Variants in SMAP1 observed in about 807,000 individuals in gnomAD.
SMAP1 encodes small ArfGAP 1.
SMAP1 carries 24 observed loss-of-function variants against 58.5 expected under a neutral mutation model. The observed-to-expected ratio is 0.41, with a 90% CI of 0.30 to 0.58. SMAP1 has a LOEUF of 0.58. Among genes scored for constraint, SMAP1 ranks in the 20% least tolerant of loss-of-function variants. The pLI is 0.29. For missense variants in SMAP1, 563 were observed against 566.3 expected, an observed-to-expected ratio of 0.99 and a Z score of 0.06; for synonymous variants, 216 against 196.6, an observed-to-expected ratio of 1.10 and a Z score of -0.82.
intron 6 of SMAP1, among the ~76,000 whole-genome samples, chr6:70,815,102 C>T (rs1245520992): frequency 2.6e-5 from 4 of 152,074 alleles, no homozygotes; most frequent in Admixed American, 6.6e-5. Flanking sequence ...CTTGGCATTG[C>T]TCACACTAAT....
At chr6:70,846,051 G>A (rs1770976295) in intron 7 of SMAP1, among the ~76,000 whole-genome samples, 1 of 152,196 alleles carries the variant, frequency 6.6e-6, no homozygotes, top group African/African-American at 2.4e-5. Context: ...TCTTCAAGGA[G>A]AATGTGGCTG....
At chr6:70,812,832 T>C (rs1027367121) in intron 6 of SMAP1, among the ~76,000 whole-genome samples, 3 of 152,138 alleles carry the variant, frequency 2.0e-5, no homozygotes, top group Admixed American at 2.0e-4. Context: ...GGCATTCTTA[T>C]TCTTGTCTCA....
chr6:70,778,910 A>T (rs1767652155), intron 4 of SMAP1, among the ~76,000 whole-genome samples: 2 of 152,182 alleles, frequency 1.3e-5, no homozygotes, highest in African/African-American at 4.8e-5. Context: ...GGGACAAGCC[A>T]TTCCTCAGTC....
chr6:70,773,270 C>A, intron 3 of SMAP1, 80 bp from the exon 4 acceptor site: 1 of 815,186 alleles, frequency 1.2e-6, no homozygotes, highest in East Asian at 2.9e-5. Context: ...TTTAGAGTCC[C>A]AGCTTTGTGG....
intron 3 of SMAP1, among the ~76,000 whole-genome samples, chr6:70,758,264 G>A (rs1349101721): frequency 6.6e-5 from 10 of 150,912 alleles, no homozygotes; most frequent in Non-Finnish European, 1.3e-4. Context: ...GTAATCTATC[G>A]CAAGAACAAA....
At chr6:70,850,773 C>A (rs1268374204) in intron 7 of SMAP1, among the ~76,000 whole-genome samples, 2 of 151,880 alleles carry the variant, frequency 1.3e-5, no homozygotes, top group East Asian at 1.9e-4. Context: ...GTTTTTAAAC[C>A]TAGAATGCCT....
At chr6:70,777,828 C>A (rs1278675413) in intron 4 of SMAP1, among the ~76,000 whole-genome samples, 1 of 151,984 alleles carries the variant, frequency 6.6e-6, no homozygotes, top group East Asian at 1.9e-4. Context: ...TCTCAGCTCC[C>A]TGCAACCTCC....
chr6:70,768,092 G>T (rs1301811809), intron 3 of SMAP1, among the ~76,000 whole-genome samples: 1 of 152,160 alleles, frequency 6.6e-6, no homozygotes, highest in Non-Finnish European at 1.5e-5. Context: ...TACATCCCAG[G>T]GATGAAGCCC....
Position 70,824,673 on chromosome 6 carries a change from A to G in SMAP1, c.577-12268A>G, listed in dbSNP as rs572938621. On this transcript the variant is annotated intron_variant, in intron 6 of 10. Coordinates refer to ENST00000370455, the MANE Select transcript of SMAP1 (RefSeq NM_001044305.3). ...TCATATTCTTAGCTTCCACATGCAT[A>G]TGTCACTTGTTCTTAGCAGAGCAGT... Among the ~76,000 whole-genome samples the G allele has an allele frequency of 8.5e-5, 13 of 152,294 alleles. No individual in the cohort carries two copies. The South Asian group carries it at 2.5e-3, about 29-fold the overall frequency.
chr6:70,674,643 G>T (rs1324393177), intron 1 of SMAP1, among the ~76,000 whole-genome samples: 2 of 152,182 alleles, frequency 1.3e-5, no homozygotes, highest in African/African-American at 2.4e-5. Flanking sequence ...GCACTAAAAA[G>T]ATTAAGTACT....
Position 70,725,097 on chromosome 6 carries a change from T to G in SMAP1, c.119-7281T>G, listed in dbSNP as rs1405504038. ...CCATATCCTAAATTAACCAGTGTTT[T>G]TTTTTTTTTTTTTTTTTTTTTTTTT... On this transcript the variant is annotated intron_variant, in intron 1 of 10. Coordinates refer to ENST00000370455, the MANE Select transcript of SMAP1 (RefSeq NM_001044305.3). Among the ~76,000 whole-genome samples, 48 of 6,802 alleles carry G rather than the reference T, an allele frequency of 7.1e-3. 1 individual carries two copies. The East Asian group carries it at 0.19, about 27-fold the overall frequency. The allele number at this position is 6,802 out of a possible 152,430, so 4.5% of individuals were successfully genotyped here.
At chr6:70,822,583 T>G (rs1374829739) in intron 6 of SMAP1, among the ~76,000 whole-genome samples, 1 of 152,184 alleles carries the variant, frequency 6.6e-6, no homozygotes, top group Non-Finnish European at 1.5e-5. Flanking sequence ...CTCAACTCTG[T>G]ATCTTTGATT....
chr6:70,728,261 G>A (rs1357560342), intron 1 of SMAP1, among the ~76,000 whole-genome samples: 1 of 152,122 alleles, frequency 6.6e-6, no homozygotes, highest in Non-Finnish European at 1.5e-5. Flanking sequence ...GGGAACACAG[G>A]CCCAGTGTGG....
chr6:70,805,929 G>A (rs1014166525), intron 6 of SMAP1, among the ~76,000 whole-genome samples: 3 of 152,152 alleles, frequency 2.0e-5, no homozygotes, highest in Non-Finnish European at 4.4e-5. Context: ...GGCCCCTACT[G>A]GGAGGTATCT....
Position 70,788,201 on chromosome 6 carries a change from C to G in SMAP1, c.415-3488C>G, listed in dbSNP as rs542039393. Among the ~76,000 whole-genome samples, 295 of 147,676 alleles carry G rather than the reference C, an allele frequency of 2.0e-3. 1 individual carries two copies. The highest frequency in any genetic ancestry group is 7.0e-3 in the African/African-American group (281 of 39,872). On this transcript the variant is annotated intron_variant, in intron 4 of 10. Transcript: ENST00000370455. Reference sequence around the variant, plus strand: ...CATTCTCAGCAAACTATCGCAAGGACAAGAAACGAAACACCACATGTTCTC... The same window carrying G: ...CATTCTCAGCAAACTATCGCAAGGAGAAGAAACGAAACACCACATGTTCTC...
intron 1 of SMAP1, among the ~76,000 whole-genome samples, chr6:70,714,826 A>C (rs1768198397): frequency 6.6e-6 from 1 of 152,162 alleles, no homozygotes; most frequent in African/African-American, 2.4e-5. Context: ...TATTGGTTTG[A>C]GAACACCTTT....
chr6:70,826,788 G>C (rs1177047888), intron 6 of SMAP1, among the ~76,000 whole-genome samples: 1 of 151,832 alleles, frequency 6.6e-6, no homozygotes, highest in African/African-American at 2.4e-5. Flanking sequence ...AAATTAGTTG[G>C]GCATTGTGGT....
intron 1 of SMAP1, among the ~76,000 whole-genome samples, chr6:70,710,782 T>G (rs1469357683): frequency 6.6e-6 from 1 of 152,246 alleles, no homozygotes; most frequent in Non-Finnish European, 1.5e-5. Context: ...AATAACAGTT[T>G]AAGACACACG....
chr6:70,696,241 T>C (rs898755023), intron 1 of SMAP1, among the ~76,000 whole-genome samples: 81 of 152,276 alleles, frequency 5.3e-4, no homozygotes, highest in African/African-American at 1.9e-3. Flanking sequence ...ATTATTTCAA[T>C]TTCATTTATT....
Sources: allele counts gnomAD v4.1 joint callset (sites outside exome capture counted in the v4.1 genomes callset), GRCh38; gene constraint gnomAD v4.1.1; transcripts MANE v1.5; gene names NCBI Gene and HGNC (gene_info 2026-07-23, HGNC 2026-07-21).